The following ADGRL2 variants were observed in gnomAD, a reference collection of about 807,000 sequenced individuals.
ADGRL2 encodes the protein adhesion G protein-coupled receptor L2.
ADGRL2 carries 44 observed loss-of-function variants against 157.4 expected under a neutral mutation model. The ratio of observed to expected loss-of-function variants is 0.28; its 90% confidence interval spans 0.22 to 0.36. The LOEUF (loss-of-function observed/expected upper bound fraction) is 0.36. ADGRL2 is among the 10% of genes least tolerant of loss of function. ADGRL2 has a pLI of 1.00. For synonymous variants in ADGRL2, 585 were observed against 624.7 expected (o/e 0.94, Z 0.95); for missense variants, 1,510 against 1,768.9 (o/e 0.85, Z 2.63).
intron 2 of ADGRL2, among the ~76,000 whole-genome samples, chr1:81,872,913 G>C (rs891973115): frequency 2.0e-5 from 3 of 152,014 alleles, no homozygotes; most frequent in Non-Finnish European, 4.4e-5. Context: ...AATATCAGAA[G>C]CACTTACAAT....
At chr1:81,741,490 G>C (rs1418559267) in intron 1 of ADGRL2, among the ~76,000 whole-genome samples, 1 of 151,934 alleles carries the variant, frequency 6.6e-6, no homozygotes, top group African/African-American at 2.4e-5. Flanking sequence ...AAATTTCGTA[G>C]AGTATTACCT....
At chr1:81,901,295 A>G (rs906067375) in intron 2 of ADGRL2, among the ~76,000 whole-genome samples, 1 of 152,076 alleles carries the variant, frequency 6.6e-6, no homozygotes, top group Non-Finnish European at 1.5e-5. Flanking sequence ...TATGATGACA[A>G]TGACAACAAA....
At chr1:81,365,790 C>G (rs2076055226) in intron 1 of ADGRL2, among the ~76,000 whole-genome samples, 1 of 152,128 alleles carries the variant, frequency 6.6e-6, no homozygotes, top group Non-Finnish European at 1.5e-5. Flanking sequence ...GACACTGGGT[C>G]CTTCATCCTT....
chr1:81,987,399 G>A (rs780590013), intron 22 of ADGRL2: 1 of 1,122,836 alleles, frequency 8.9e-7, no homozygotes, highest in South Asian at 1.2e-5. Context: ...GACAAAATTT[G>A]CTTCTGGAAT....
chr1:81,629,677 G>A (rs982008443), intron 3 of ADGRL2, among the ~76,000 whole-genome samples: 34 of 97,096 alleles, frequency 3.5e-4, no homozygotes, highest in Admixed American at 7.3e-4. Context: ...ATGTGTGTGT[G>A]TGTGTGTGTG....
Position 81,625,865 on chromosome 1 carries a change from A to C in ADGRL2, c.-143+44885A>C, listed in dbSNP as rs183727623. On this transcript the variant is annotated intron_variant, in intron 3 of 24. Transcript: ENST00000370721. ...GCATCTTTAGAACAAACCACACTTA[A>C]AAATAATGGTATACTTGGCACAAGT... 6.9e-4 allele frequency among the ~76,000 whole-genome samples: 105 copies of C among 152,312 alleles called. 1 individual carries two copies. Among genetic ancestry groups the C allele is most frequent in the African/African-American group, 2.3e-3 (95 of 41,560 alleles).
At chr1:81,575,912 C>A (rs879534006) in intron 2 of ADGRL2, among the ~76,000 whole-genome samples, 1 of 152,094 alleles carries the variant, frequency 6.6e-6, no homozygotes, top group African/African-American at 2.4e-5. Context: ...CATAATAAAA[C>A]CCCATGTACC....
intron 1 of ADGRL2, among the ~76,000 whole-genome samples, chr1:81,356,529 T>A (rs1663302291): frequency 6.6e-6 from 1 of 152,078 alleles, no homozygotes; most frequent in Non-Finnish European, 1.5e-5. Flanking sequence ...TCTCATCCTC[T>A]TCTTTGTGAA....
chr1:81,417,719 T>G (rs1300650930), intron 1 of ADGRL2, among the ~76,000 whole-genome samples: 2 of 152,224 alleles, frequency 1.3e-5, no homozygotes, highest in Non-Finnish European at 2.9e-5. Flanking sequence ...AAACTTGGTT[T>G]TCTTGCTTCT....
At chr1:81,616,820 G>A (rs2081664099) in intron 3 of ADGRL2, among the ~76,000 whole-genome samples, 1 of 151,740 alleles carries the variant, frequency 6.6e-6, no homozygotes, top group African/African-American at 2.4e-5. Context: ...GGGACCACAG[G>A]CACCTGCCAC....
At chr1:81,763,314 G>T (rs2149315546) in intron 2 of ADGRL2, among the ~76,000 whole-genome samples, 1 of 152,130 alleles carries the variant, frequency 6.6e-6, no homozygotes, top group Middle Eastern at 3.4e-3. Flanking sequence ...GCTGGGCATG[G>T]TAGCACACGC....
chr1:81,698,935 C>T (rs1453474357), upstream of ADGRL2, among the ~76,000 whole-genome samples: 1 of 152,146 alleles, frequency 6.6e-6, no homozygotes, highest in Non-Finnish European at 1.5e-5. Flanking sequence ...TAACTGTCTA[C>T]TGCTCCTTAG....
intron 2 of ADGRL2, among the ~76,000 whole-genome samples, chr1:81,884,348 C>CT (rs1286680282): frequency 6.6e-6 from 1 of 152,134 alleles, no homozygotes; most frequent in Non-Finnish European, 1.5e-5. Flanking sequence ...AATCTTGCTA[C>CT]TTTTTTCTGC....
rs533048218 is a variant in ADGRL2 at position 81,983,446 on chromosome 1, T to C, written c.3283-1137T>C. Among the ~76,000 whole-genome samples the C allele has an allele frequency of 3.2e-4, 48 of 152,148 alleles. 1 individual carries two copies. Among genetic ancestry groups the C allele is most frequent in the African/African-American group, 1.1e-3 (46 of 41,546 alleles). On this transcript the variant is annotated intron_variant, in intron 19 of 23. Transcript: ENST00000686636. ...GTATAACTAAATAAAGCTAAAAAGA[T>C]GAAAATGTAAGTGCGCTTAGATTTA...
chr1:81,831,805 C>A (rs1351074170), intron 1 of ADGRL2, among the ~76,000 whole-genome samples: 1 of 151,730 alleles, frequency 6.6e-6, no homozygotes, highest in East Asian at 1.9e-4. Context: ...TCTTTTTTTC[C>A]TCAGTACACA....
intron 1 of ADGRL2, among the ~76,000 whole-genome samples, chr1:81,826,194 G>T (rs912780465): frequency 6.6e-6 from 1 of 152,028 alleles, no homozygotes; most frequent in African/African-American, 2.4e-5. Flanking sequence ...AGTAAGCTTG[G>T]TTTAAAGAAA....
chr1:81,493,992 G>A (rs545846271), intron 2 of ADGRL2, among the ~76,000 whole-genome samples: 1 of 152,220 alleles, frequency 6.6e-6, no homozygotes, highest in South Asian at 2.1e-4. Context: ...GGCACTTTCT[G>A]AAACAATTTT....
At chr1:81,442,566 C>A (rs1429924984) in intron 1 of ADGRL2, among the ~76,000 whole-genome samples, 1 of 152,130 alleles carries the variant, frequency 6.6e-6, no homozygotes, top group African/African-American at 2.4e-5. Context: ...GGTGTGAAGA[C>A]TAAATAAGTC....
intron 3 of ADGRL2, among the ~76,000 whole-genome samples, chr1:81,910,735 T>TA (rs1181735245): frequency 3.7e-4 from 53 of 144,752 alleles, no homozygotes; most frequent in Non-Finnish European, 5.3e-4. Flanking sequence ...TTGTCCTTTT[T>TA]TAAAAAAAAA....
Sources: gnomAD v4.1 joint callset for allele counts (sites outside exome capture counted in the v4.1 genomes callset) on GRCh38, gnomAD v4.1.1 for gene constraint, MANE v1.5 for transcripts, NCBI Gene and HGNC (gene_info 2026-07-23, HGNC 2026-07-21) for gene names.